TYW1: variants seen among roughly 807,000 people sequenced by gnomAD.
TYW1 encodes the protein tRNA-yW synthesizing protein 1 homolog.
Under a neutral mutation model 96.2 loss-of-function variants are expected in TYW1, and 46 were observed. The ratio of observed to expected loss-of-function variants is 0.48; its 90% CI spans 0.38 to 0.61. TYW1 has a LOEUF of 0.61. TYW1 is among the 20% of genes least tolerant of loss of function. The pLI is 0.00. For synonymous variants in TYW1, 274 were observed against 323.0 expected (o/e 0.85, Z 1.63); for missense variants, 684 against 909.6 (o/e 0.75, Z 3.19).
intron 6 of TYW1, among the ~76,000 whole-genome samples, chr7:67,020,689 C>G (rs977378166): frequency 1.3e-5 from 2 of 152,276 alleles, no homozygotes; most frequent in African/African-American, 4.8e-5. Flanking sequence ...CTATTATTCT[C>G]TCTCTTCCTC....
chr7:67,045,427 A>G (rs7788266), intron 7 of TYW1, among the ~76,000 whole-genome samples: 45,341 of 151,924 alleles, frequency 0.3, 6,957 homozygotes, highest in Admixed American at 0.35. Flanking sequence ...TATGTTGCCC[A>G]GGCTGGTTTC....
intron 15 of TYW1, among the ~76,000 whole-genome samples, chr7:67,229,363 C>T (rs1801672787): frequency 6.6e-6 from 1 of 151,056 alleles, no homozygotes; most frequent in South Asian, 2.1e-4. Flanking sequence ...CGTAGCGAAA[C>T]CCCATTTCTA....
intron 13 of TYW1, among the ~76,000 whole-genome samples, chr7:67,127,175 T>TC (rs200380929): frequency 0.037 from 5,609 of 150,746 alleles, 165 homozygotes; most frequent in Middle Eastern, 0.097. Flanking sequence ...TTTTTTTTTT[T>TC]CGAGATCGAG....
rs1584451231 is a variant in TYW1 at position 67,004,011 on chromosome 7, T to C, written c.273+5057T>C. ...GTGAGCCAAGATGGCGCCACTGCAC[T>C]CCAGTCTGGGGGACAGAGTGAAACC... On this transcript the variant is annotated intron_variant, in intron 3 of 15. Coordinates refer to ENST00000359626, the MANE Select transcript of TYW1 (RefSeq NM_018264.4). Among the ~76,000 whole-genome samples the C allele has an allele frequency of 1.1e-4, 16 of 150,690 alleles. No homozygotes were observed. The South Asian group carries it at 3.4e-3, about 32-fold the overall frequency.
At chr7:67,078,481 G>A (rs757072145) in intron 10 of TYW1, among the ~76,000 whole-genome samples, 4 of 152,096 alleles carry the variant, frequency 2.6e-5, no homozygotes, top group Non-Finnish European at 5.9e-5. Flanking sequence ...GGATTTTAAT[G>A]GTTCCATGTG....
intron 14 of TYW1, among the ~76,000 whole-genome samples, chr7:67,190,696 G>A (rs1218568887): frequency 3.9e-5 from 6 of 152,224 alleles, no homozygotes; most frequent in Admixed American, 2.6e-4. Flanking sequence ...GCCTCGTGCC[G>A]TGGTGAGAAG....
chr7:67,049,651 A>AT (rs1795297363), intron 7 of TYW1, among the ~76,000 whole-genome samples: 1 of 151,814 alleles, frequency 6.6e-6, no homozygotes, highest in East Asian at 1.9e-4. Flanking sequence ...GGTTCAAGTG[A>AT]TTCTCCTGCC....
intron 13 of TYW1, among the ~76,000 whole-genome samples, chr7:67,138,460 C>T (rs1798337586): frequency 6.6e-6 from 1 of 152,078 alleles, no homozygotes; most frequent in African/African-American, 2.4e-5. Flanking sequence ...CAGCATTTAT[C>T]CTTTGTGTTA....
At chr7:67,166,722 A>G (rs1043036086) in intron 13 of TYW1, among the ~76,000 whole-genome samples, 1 of 152,136 alleles carries the variant, frequency 6.6e-6, no homozygotes, top group Non-Finnish European at 1.5e-5. Context: ...TTTCATTGCT[A>G]TATGTCAATA....
intron 10 of TYW1, among the ~76,000 whole-genome samples, chr7:67,076,832 T>C (rs1387370730): frequency 6.8e-6 from 1 of 147,840 alleles, no homozygotes; most frequent in African/African-American, 2.5e-5. Flanking sequence ...TGGAGTGCAA[T>C]GACACAATCT....
intron 10 of TYW1, among the ~76,000 whole-genome samples, chr7:67,075,979 G>A (rs1584530801): frequency 2.6e-5 from 4 of 152,132 alleles, no homozygotes; most frequent in Admixed American, 2.6e-4. Context: ...TGTGTTCTTA[G>A]CTCCCACAAT....
chr7:67,154,264 T>G (rs1414131388), intron 13 of TYW1, among the ~76,000 whole-genome samples: 1 of 152,206 alleles, frequency 6.6e-6, no homozygotes, highest in East Asian at 1.9e-4. Flanking sequence ...TGTCTGTGAT[T>G]ATAAACAGTT....
At chr7:67,238,070 G>A (rs548871608) in intron 15 of TYW1, among the ~76,000 whole-genome samples, 7 of 151,532 alleles carry the variant, frequency 4.6e-5, no homozygotes, top group African/African-American at 1.7e-4. Context: ...CTTGTCTTCC[G>A]GGCCCAGCAA....
intron 13 of TYW1, among the ~76,000 whole-genome samples, chr7:67,128,690 GT>G (rs59475781): frequency 6.4e-4 from 88 of 137,030 alleles, no homozygotes; most frequent in East Asian, 2.0e-3. Flanking sequence ...AGGTCTCAGT[GT>G]TTTTTTTTTT....
intron 1 of TYW1, 86 bp from the exon 2 acceptor site, chr7:66,997,979 T>C: frequency 1.4e-6 from 2 of 1,455,198 alleles, no homozygotes; most frequent in Non-Finnish European, 1.8e-6. Context: ...GAATGTAAGG[T>C]TGGTTTTATT....
In TYW1 at chr7:67,062,566, C is replaced by CAAAAAAAAAAAAG. The variant is rs775014055; in HGVS notation, c.1156-4707_1156-4706insGAAAAAAAAAAAA. ...TGGGTGACAGAGCGAGACTCCGTCTCAAAAAAAAAAAAAAAGAAAAGAAAA... is the reference window on the plus strand; with the variant it reads ...TGGGTGACAGAGCGAGACTCCGTCTCAAAAAAAAAAAAGAAAAAAAAAAAAAAAGAAAAGAAAA... On this transcript the variant is annotated intron_variant, in intron 9 of 15. Transcript: ENST00000359626. Among the ~76,000 whole-genome samples the CAAAAAAAAAAAAG allele has an allele frequency of 5.6e-5, 5 of 89,172 alleles. No individual in the cohort carries two copies. In the East Asian group the frequency reaches 1.7e-3, roughly 30 times the overall value. 58.5% of individuals were successfully genotyped at this position (89,172 alleles called of 152,430 possible). A position where few individuals can be genotyped will look rare whatever the true frequency, so the allele number is the denominator to read the frequency against.
chr7:67,238,671 C>T lies in TYW1; in HGVS notation c.*142C>T. On this transcript the variant is annotated 3_prime_UTR_variant, in exon 16 of 16. Coordinates refer to ENST00000359626, the MANE Select transcript of TYW1 (RefSeq NM_018264.4). ...GACGATAAGGCAGTAAACATGGAGACACGGGGGACAGCGTCCACACTCAGA... is the reference window on the plus strand; with the variant it reads ...GACGATAAGGCAGTAAACATGGAGATACGGGGGACAGCGTCCACACTCAGA... 1.4e-6 allele frequency: 2 copies of T among 1,445,240 alleles called. No individual in the cohort carries two copies. The highest frequency in any genetic ancestry group is 1.8e-6 in the Non-Finnish European group (2 of 1,096,612). The allele number at this position is 1,445,240 out of a possible 1,614,324, so 89.5% of individuals were successfully genotyped here.
chr7:67,220,606 C>T (rs1287069473), intron 15 of TYW1, among the ~76,000 whole-genome samples: 1 of 152,130 alleles, frequency 6.6e-6, no homozygotes, highest in Non-Finnish European at 1.5e-5. Context: ...AACTTACCGC[C>T]TTTCCTGGAA....
At position 67,075,818 on chromosome 7, in the gene TYW1, A is replaced by C. The variant is rs369443210; in HGVS notation, c.1275-7612A>C. Among the ~76,000 whole-genome samples the C allele has an allele frequency of 3.9e-4, 59 of 152,324 alleles. 1 individual carries two copies. The South Asian group carries it at 0.012, about 32-fold the overall frequency. On this transcript the variant is annotated intron_variant, in intron 10 of 15. Transcript: ENST00000359626. Reference sequence around the variant, plus strand: ...TGGATTTTGGTCATGGATGCATGTAAAAAGTGAAGTAGAGGCTCCTCTTCA... The same window carrying C: ...TGGATTTTGGTCATGGATGCATGTACAAAGTGAAGTAGAGGCTCCTCTTCA...
Sources: allele counts gnomAD v4.1 joint callset (sites outside exome capture counted in the v4.1 genomes callset), GRCh38; gene constraint gnomAD v4.1.1; transcripts MANE v1.5; gene names NCBI Gene and HGNC (gene_info 2026-07-23, HGNC 2026-07-21).